Variants in WDR45B observed in about 807,000 individuals in gnomAD.
WDR45B encodes the protein WD repeat domain 45B.
WDR45B carries 20 observed loss-of-function variants against 44.6 expected under a neutral mutation model. That is an observed-to-expected ratio of 0.45 (90% CI 0.32 to 0.65). WDR45B has a LOEUF of 0.65. Among genes scored for constraint, WDR45B ranks in the 30% least tolerant of loss-of-function variants. The pLI is 0.05. For synonymous variants in WDR45B, 169 were observed against 164.9 expected (o/e 1.02, Z -0.19); for missense variants, 323 against 430.2 (o/e 0.75, Z 2.20).
At chr17:82,616,498 C>T (rs758248758) in intron 9 of WDR45B, 26 bp downstream of exon 9, 22 of 1,613,050 alleles carry the variant, frequency 1.4e-5, no homozygotes, top group Non-Finnish European at 1.5e-5. Flanking sequence ...CGGGTGGGGA[C>T]GTTCTCTCCA....
At chr17:82,634,499 A>G (rs1272299719) in intron 2 of WDR45B, among the ~76,000 whole-genome samples, 1 of 150,510 alleles carries the variant, frequency 6.6e-6, no homozygotes, top group Non-Finnish European at 1.5e-5. Flanking sequence ...CTCAAAAAAA[A>G]AGAAAAAAAC....
chr17:82,628,168 T>C (rs1461184565), intron 3 of WDR45B, among the ~76,000 whole-genome samples: 2 of 152,142 alleles, frequency 1.3e-5, no homozygotes, highest in Admixed American at 6.6e-5. Flanking sequence ...AAGTTTTGTA[T>C]TTTTGGTAGA....
intron 2 of WDR45B, among the ~76,000 whole-genome samples, chr17:82,642,756 C>G (rs532198254): frequency 1.3e-5 from 2 of 152,168 alleles, no homozygotes; most frequent in Non-Finnish European, 2.9e-5. Context: ...TCACAGAAGT[C>G]TTCTGTGCTG....
At chr17:82,620,178 A>G (rs965794338) in intron 6 of WDR45B, among the ~76,000 whole-genome samples, 7 of 152,268 alleles carry the variant, frequency 4.6e-5, no homozygotes, top group Non-Finnish European at 8.8e-5. Flanking sequence ...TCACGCCTGT[A>G]ATCCCAGCAC....
intron 1 of WDR45B, among the ~76,000 whole-genome samples, chr17:82,644,845 G>C (rs1029155580): frequency 3.3e-5 from 5 of 152,194 alleles, no homozygotes; most frequent in African/African-American, 1.2e-4. Flanking sequence ...TGGTGTGAAA[G>C]CCCAACACAA....
chr17:82,621,521 C>CTTTT, intron 6 of WDR45B, 88 bp downstream of exon 6: 1 of 1,580,656 alleles, frequency 6.3e-7, no homozygotes, highest in Non-Finnish European at 8.7e-7. Context: ...GGCCCACTGC[C>CTTTT]TTTTGAGTCT....
intron 1 of WDR45B, among the ~76,000 whole-genome samples, chr17:82,646,046 A>T (rs1438492266): frequency 6.6e-6 from 1 of 151,810 alleles, no homozygotes; most frequent in Admixed American, 6.6e-5. Flanking sequence ...GCTTGAACCC[A>T]GGAGGCAGAG....
At position 82,615,592 on chromosome 17, in the gene WDR45B, C is replaced by T. The variant is rs1165413642; in HGVS notation, c.*327G>A. ...AACTCGTCCACCCTCTCAGCCCAGT[C>T]CCCAGGTCCGTATGGAGCCCCCGTC... On this transcript the variant is annotated 3_prime_UTR_variant, in exon 10 of 10. Coordinates refer to ENST00000392325, the MANE Select transcript of WDR45B (RefSeq NM_019613.4). The T allele has an allele frequency of 4.8e-6, 2 of 415,594 alleles. No individual in the cohort carries two copies. The highest frequency in any genetic ancestry group is 4.1e-5 in the African/African-American group (2 of 49,208). 25.7% of individuals were successfully genotyped at this position (415,594 alleles called of 1,614,324 possible).
intron 1 of WDR45B, 176 bp from the exon 2 acceptor site, chr17:82,644,199 T>C: frequency 1.5e-6 from 1 of 683,508 alleles, no homozygotes. Context: ...GACAAGCACA[T>C]CCATGCAGGG....
At chr17:82,634,845 G>A (rs1418581296) in intron 2 of WDR45B, among the ~76,000 whole-genome samples, 3 of 151,994 alleles carry the variant, frequency 2.0e-5, no homozygotes, top group Non-Finnish European at 4.4e-5. Context: ...GGGATTACAG[G>A]GGTGAGCTGC....
chr17:82,633,162 C>CA (rs57003725), intron 2 of WDR45B, among the ~76,000 whole-genome samples: 134 of 116,182 alleles, frequency 1.2e-3, no homozygotes, highest in East Asian at 6.7e-3. Flanking sequence ...GACTCCATCT[C>CA]AAAAAAAAAA....
chr17:82,629,783 T>G, intron 3 of WDR45B: 1 of 985,416 alleles, frequency 1.0e-6, no homozygotes, highest in Non-Finnish European at 1.2e-6. Context: ...TGGAACCTTC[T>G]GCCTTTCCAC....
In WDR45B at chr17:82,638,100, C is replaced by T. The variant is rs2045859365; in HGVS notation, c.142+5849G>A. ...ACTTGGAAGGCTGAGGCACGAGAAT[C>T]GCTTGAACCCATGAGGTGGAGGTTG... is the stretch of plus-strand genomic sequence containing the variant. On this transcript the variant is annotated intron_variant, in intron 2 of 9. Transcript: ENST00000392325. Among the ~76,000 whole-genome samples the T allele has an allele frequency of 1.4e-5, 2 of 147,232 alleles. 1 individual carries two copies. Among genetic ancestry groups the T allele is most frequent in the African/African-American group, 5.1e-5 (2 of 38,952 alleles).
chr17:82,640,459 T>G (rs1172524042), intron 2 of WDR45B, among the ~76,000 whole-genome samples: 3 of 151,494 alleles, frequency 2.0e-5, no homozygotes, highest in Non-Finnish European at 4.4e-5. Flanking sequence ...CAAGCAATTC[T>G]CCTGCCTCAG....
At chr17:82,631,277 A>ATTTTTTTT (rs386386786) in intron 2 of WDR45B, among the ~76,000 whole-genome samples, 15 of 86,848 alleles carry the variant, frequency 1.7e-4, no homozygotes, top group Non-Finnish European at 2.3e-4. Flanking sequence ...TACAGGACTC[A>ATTTTTTTT]TTTTTTTTTT....
intron 5 of WDR45B, among the ~76,000 whole-genome samples, chr17:82,625,181 C>G (rs1244246539): frequency 6.6e-6 from 1 of 152,210 alleles, no homozygotes; most frequent in Non-Finnish European, 1.5e-5. Flanking sequence ...GGACAGGGGC[C>G]CCCACTCTGT....
chr17:82,630,743 G>A (rs2045756461), intron 3 of WDR45B, among the ~76,000 whole-genome samples, 178 bp downstream of exon 3: 1 of 152,302 alleles, frequency 6.6e-6, no homozygotes, highest in South Asian at 2.1e-4. Context: ...CTCTTTAGGT[G>A]CTCCATCTGG....
intron 2 of WDR45B, among the ~76,000 whole-genome samples, chr17:82,634,150 CAA>C (rs36183298): frequency 2.9e-3 from 91 of 31,890 alleles, no homozygotes; most frequent in African/African-American, 6.5e-3. Flanking sequence ...GACTCCATCT[CAA>C]AAAAAAAAAA....
intron 2 of WDR45B, among the ~76,000 whole-genome samples, chr17:82,632,406 A>G (rs1165616139): frequency 6.6e-6 from 1 of 152,094 alleles, no homozygotes; most frequent in Non-Finnish European, 1.5e-5. Context: ...GTCTCAAACA[A>G]TCCTGCCATC....
Sources: allele counts gnomAD v4.1 joint callset (sites outside exome capture counted in the v4.1 genomes callset), GRCh38; gene constraint gnomAD v4.1.1; transcripts MANE v1.5; gene names NCBI Gene and HGNC (gene_info 2026-07-23, HGNC 2026-07-21).